The following ZNF75D variants were observed in gnomAD, a reference collection of about 807,000 sequenced individuals.
The protein encoded by ZNF75D is zinc finger protein 75.
A neutral mutation model predicts 33.3 loss-of-function variants in ZNF75D; 33 were observed. The observed-to-expected ratio is 0.99, with a 90% CI of 0.75 to 1.32. The LOEUF (loss-of-function observed/expected upper bound fraction) is 1.32, where lower values mean the gene tolerates loss of function less well. Ranked by LOEUF, ZNF75D falls within the 40% of genes most tolerant of loss-of-function variation. The pLI, the probability that ZNF75D is intolerant of heterozygous loss-of-function variation, is 0.00. For synonymous variants in ZNF75D, 113 were observed against 130.6 expected (o/e 0.87, Z 0.92); for missense variants, 338 against 367.5 (o/e 0.92, Z 0.66).
intron 1 of ZNF75D, among the ~76,000 whole-genome samples, chrX:135,299,837 T>C (rs1358355774): frequency 8.9e-6 from 1 of 112,476 alleles, no homozygotes; most frequent in African/African-American, 3.2e-5. Context: ...TGCATATGGA[T>C]ATTCAGTTGA....
intron 1 of ZNF75D, among the ~76,000 whole-genome samples, chrX:135,326,698 G>C (rs1602654519): frequency 1.8e-5 from 2 of 111,897 alleles, no homozygotes; most frequent in South Asian, 7.7e-4. Context: ...AAGATCTGCA[G>C]CTTCACTCCT....
At chrX:135,310,419 T>C (rs782153747) in intron 1 of ZNF75D, among the ~76,000 whole-genome samples, 34 of 112,065 alleles carry the variant, frequency 3.0e-4, no homozygotes, top group Middle Eastern at 4.6e-3. Context: ...AATTGGTGAC[T>C]GAGAAGTGAG....
intron 1 of ZNF75D, among the ~76,000 whole-genome samples, chrX:135,328,203 A>G (rs2084605827): frequency 9.0e-6 from 1 of 111,104 alleles, no homozygotes; most frequent in South Asian, 3.9e-4. Context: ...AGTCTCACAT[A>G]AGAAGGGAGG....
At chrX:135,307,028 T>G (rs1465045464) in intron 1 of ZNF75D, among the ~76,000 whole-genome samples, 1 of 111,646 alleles carries the variant, frequency 9.0e-6, no homozygotes, top group Admixed American at 9.5e-5. Context: ...TGGCCTAGTA[T>G]GAAAAGCTTT....
At chrX:135,283,559 ATTC>A (rs1418951294), downstream of ZNF75D, among the ~76,000 whole-genome samples, 3 of 111,685 alleles carry the variant, frequency 2.7e-5, no homozygotes, top group Non-Finnish European at 3.8e-5. Flanking sequence ...CGTTTTGTTT[ATTC>A]TTCTCTCCCC....
intron 1 of ZNF75D, among the ~76,000 whole-genome samples, chrX:135,274,772 G>A (rs1329299455): frequency 2.7e-5 from 3 of 112,037 alleles, no homozygotes; most frequent in African/African-American, 9.7e-5. Flanking sequence ...TATTTTTGAT[G>A]CTCACTTAAT....
At chrX:135,302,646 C>T (rs1261921447) in intron 1 of ZNF75D, among the ~76,000 whole-genome samples, 10 of 111,803 alleles carry the variant, frequency 8.9e-5, no homozygotes, top group African/African-American at 2.9e-4. Context: ...GAACAGTAAC[C>T]GTAGTCAGTC....
chrX:135,263,108 T>C (rs2083849392), intron 1 of ZNF75D, among the ~76,000 whole-genome samples: 2 of 112,846 alleles, frequency 1.8e-5, no homozygotes, highest in South Asian at 7.2e-4. Context: ...CCTGTTTGCC[T>C]GGGTATCACC....
chrX:135,332,306 A>G (rs2084660912), intron 1 of ZNF75D, among the ~76,000 whole-genome samples: 1 of 111,628 alleles, frequency 9.0e-6, no homozygotes, highest in South Asian at 3.8e-4. Flanking sequence ...TGCTTATGCT[A>G]TGCTCTGAAG....
At chrX:135,270,374 T>C (rs1407536009) in intron 1 of ZNF75D, among the ~76,000 whole-genome samples, 1 of 92,202 alleles carries the variant, frequency 1.1e-5, no homozygotes, top group Admixed American at 1.2e-4. Context: ...TATATATATA[T>C]ATATATATAT....
rs374497591 is a variant in ZNF75D, at chrX:135,256,944, C to G, written n.828-1167G>C. Reference sequence around the variant, plus strand: ...GATGCACACTAGGCCAGAAGGGAGCCCATTGCCTTGAAGGAAAGGACCCAG... The same window carrying G: ...GATGCACACTAGGCCAGAAGGGAGCGCATTGCCTTGAAGGAAAGGACCCAG... On this transcript the variant is annotated intron_variant and non_coding_transcript_variant, in intron 1 of 3. Transcript: ENST00000494295. 7.2e-5 allele frequency among the ~76,000 whole-genome samples: 8 copies of G among 111,413 alleles called. No homozygotes were observed. In the South Asian group the frequency reaches 3.0e-3, roughly 42 times the overall value.
In ZNF75D at chrX:135,293,816, C is replaced by A; in HGVS notation, c.325G>T (p.Val109Leu). ...ACATTCTGTGGATGATGCTTCTGCACCCAGTTCTGGGTCTCCTTGGGCAGA... is the reference window on the plus strand; with the variant it reads ...ACATTCTGTGGATGATGCTTCTGCAACCAGTTCTGGGTCTCCTTGGGCAGA... ...SILPKETQNW[V>L]QKHHPQNVKQ... The change falls in exon 3 of 7, where the codon GTG becomes TTG. Residue 109 changes from valine to leucine, a missense_variant. Around this residue, in one of 3 missense-constraint regions of ZNF75D, gnomAD observed 254 missense variants for 267.7 expected, o/e 0.95. Coordinates refer to ENST00000370766, the MANE Select transcript of ZNF75D (RefSeq NM_007131.5). 13 of 1,210,194 alleles carry A rather than the reference C, an allele frequency of 1.1e-5. No individual in the cohort carries two copies. The highest frequency in any genetic ancestry group is 1.5e-5 in the Non-Finnish European group (13 of 894,067).
intron 1 of ZNF75D, among the ~76,000 whole-genome samples, chrX:135,313,499 T>C (rs1325692994): frequency 1.8e-5 from 2 of 111,877 alleles, no homozygotes; most frequent in Admixed American, 1.9e-4. Context: ...TCCATATGAA[T>C]TTTAGGATAA....
At chrX:135,273,466 T>C (rs1216947090) in intron 1 of ZNF75D, among the ~76,000 whole-genome samples, 2 of 111,701 alleles carry the variant, frequency 1.8e-5, no homozygotes, top group African/African-American at 6.5e-5. Flanking sequence ...TTCCTATTAT[T>C]ACAGTTCATG....
chrX:135,305,112 G>A (rs782263125), intron 1 of ZNF75D, among the ~76,000 whole-genome samples: 2 of 111,781 alleles, frequency 1.8e-5, no homozygotes, highest in Non-Finnish European at 3.8e-5. Flanking sequence ...GTGTGGGTTC[G>A]ACACAGTCTC....
chrX:135,282,208 G>A (rs188533712), downstream of ZNF75D, among the ~76,000 whole-genome samples: 10 of 112,167 alleles, frequency 8.9e-5, no homozygotes, highest in Non-Finnish European at 9.4e-5. Flanking sequence ...GGAATCTAGA[G>A]AGGCAGTTTG....
chrX:135,261,213 C>G (rs11796039), intron 1 of ZNF75D, among the ~76,000 whole-genome samples: 23,548 of 111,503 alleles, frequency 0.21, 2,037 homozygotes, highest in Middle Eastern at 0.38. Context: ...TGCTTTACTT[C>G]CACCTATGTG....
chrX:135,279,505 TA>T (rs1556418179), intron 1 of ZNF75D, among the ~76,000 whole-genome samples: 1 of 111,702 alleles, frequency 9.0e-6, no homozygotes, highest in East Asian at 2.8e-4. Flanking sequence ...GCTCTGATCT[TA>T]GTTATTTCTT....
chrX:135,253,650 A>T (rs1362144009), intron 2 of ZNF75D: 2 of 257,514 alleles, frequency 7.8e-6, no homozygotes, highest in Non-Finnish European at 1.4e-5. Flanking sequence ...CTTGGGTTAC[A>T]CTGGAAGGGG....
Sources: gnomAD v4.1 joint callset for allele counts (sites outside exome capture counted in the v4.1 genomes callset) on GRCh38, gnomAD v4.1.1 for gene constraint, gnomAD v4.1.1 regional missense constraint, MANE v1.5 for transcripts, NCBI Gene and HGNC (gene_info 2026-07-23, HGNC 2026-07-21) for gene names.